Variants in SLIT2 observed in about 807,000 individuals in gnomAD.
The protein encoded by SLIT2 is slit homolog 2 protein.
Under a neutral mutation model 185.7 loss-of-function variants are expected in SLIT2, and 41 were observed. That is an observed-to-expected ratio of 0.22 (90% CI 0.17 to 0.29). SLIT2 has a LOEUF of 0.29. Among genes scored for constraint, SLIT2 ranks in the 10% least tolerant of loss-of-function variants. The pLI is 1.00. For synonymous variants in SLIT2, 693 were observed against 680.2 expected, an observed-to-expected ratio of 1.02 and a Z score of -0.29; for missense variants, 1,571 against 1,909.0, an observed-to-expected ratio of 0.82 and a Z score of 3.30.
chr4:20,313,330 G>A (rs1453886703), intron 4 of SLIT2, among the ~76,000 whole-genome samples: 1 of 152,158 alleles, frequency 6.6e-6, no homozygotes, highest in Non-Finnish European at 1.5e-5. Flanking sequence ...GCAGGAGGAA[G>A]AGAGAGGGAG....
At chr4:20,290,616 C>T (rs593943) in intron 4 of SLIT2, among the ~76,000 whole-genome samples, 136,833 of 152,208 alleles carry the variant, frequency 0.9, 61,629 homozygotes, top group East Asian at 1. Context: ...TTATGAATAC[C>T]CTTTCTTCAC....
chr4:20,432,867 T>G (rs777628475), intron 4 of SLIT2, among the ~76,000 whole-genome samples: 16 of 152,224 alleles, frequency 1.1e-4, no homozygotes, highest in Non-Finnish European at 2.4e-4. Context: ...ACTTAAGTGT[T>G]TGTGCTCTAA....
At chr4:20,488,674 T>C in intron 7 of SLIT2, 145 bp from the exon 8 acceptor site, 1 of 517,990 alleles carries the variant, frequency 1.9e-6, no homozygotes. Flanking sequence ...ATTCTGTGAT[T>C]GTACATCAGT....
intron 9 of SLIT2, among the ~76,000 whole-genome samples, chr4:20,507,340 C>T (rs922691401): frequency 2.0e-5 from 3 of 151,642 alleles, no homozygotes; most frequent in African/African-American, 2.4e-5. Context: ...GTGATCATTA[C>T]GAGTATTCTA....
chr4:20,591,762 T>C (rs574154084), intron 30 of SLIT2, among the ~76,000 whole-genome samples: 16 of 152,060 alleles, frequency 1.1e-4, no homozygotes, highest in Admixed American at 6.6e-4. Flanking sequence ...AGGAAAGTTT[T>C]CCAGAACTGC....
At chr4:20,418,329 A>T (rs534688160) in intron 4 of SLIT2, among the ~76,000 whole-genome samples, 2 of 152,186 alleles carry the variant, frequency 1.3e-5, no homozygotes, top group South Asian at 2.1e-4. Context: ...TAGCAAATTT[A>T]TGTGTAGAAA....
At chr4:20,578,679 C>G (rs1726270964) in intron 29 of SLIT2, among the ~76,000 whole-genome samples, 1 of 152,110 alleles carries the variant, frequency 6.6e-6, no homozygotes, top group African/African-American at 2.4e-5. Context: ...AAGGTAGCAA[C>G]AGTAGCAAGA....
chr4:20,430,028 A>G (rs1728850567), intron 4 of SLIT2, among the ~76,000 whole-genome samples: 1 of 152,248 alleles, frequency 6.6e-6, no homozygotes, highest in South Asian at 2.1e-4. Context: ...GGAAAAGTTT[A>G]TATGAGTTTT....
intron 4 of SLIT2, among the ~76,000 whole-genome samples, chr4:20,444,493 G>A (rs1164125996): frequency 6.6e-6 from 1 of 152,054 alleles, no homozygotes; most frequent in Non-Finnish European, 1.5e-5. Flanking sequence ...CTTGTCTCCA[G>A]GCTTAGGGGT....
intron 4 of SLIT2, among the ~76,000 whole-genome samples, chr4:20,450,303 G>A (rs1712326577): frequency 6.6e-6 from 1 of 152,198 alleles, no homozygotes; most frequent in Non-Finnish European, 1.5e-5. Context: ...CCTTAGCCAT[G>A]TGGATGCCCT....
At chr4:20,339,287 A>G (rs1288177553) in intron 4 of SLIT2, among the ~76,000 whole-genome samples, 2 of 152,002 alleles carry the variant, frequency 1.3e-5, no homozygotes, top group Non-Finnish European at 2.9e-5. Flanking sequence ...GAGGATTACA[A>G]TTTCTCAGTG....
intron 4 of SLIT2, among the ~76,000 whole-genome samples, chr4:20,310,519 T>G (rs1023045600): frequency 2.6e-5 from 4 of 152,162 alleles, no homozygotes; most frequent in African/African-American, 9.7e-5. Flanking sequence ...CCTGACAACT[T>G]TCCCTCTTAA....
Position 20,620,347 on chromosome 4 carries a change from A to G in SLIT2, c.*1338A>G, listed in dbSNP as rs1282699385. 2 of 436,396 alleles carry G rather than the reference A, an allele frequency of 4.6e-6. No individual in the cohort carries two copies. Among genetic ancestry groups the G allele is most frequent in the South Asian group, 1.7e-5 (1 of 59,874 alleles). The allele number at this position is 436,396 out of a possible 1,614,324, so 27.0% of individuals were successfully genotyped here. On this transcript the variant is annotated 3_prime_UTR_variant, in exon 37 of 37. Transcript: ENST00000504154. ...TTAACATGTTTGCTGCTAAATTACAATGTAGAATTGATAATGGTTTATAGT... is the reference window on the plus strand; with the variant it reads ...TTAACATGTTTGCTGCTAAATTACAGTGTAGAATTGATAATGGTTTATAGT...
At chr4:20,612,102 G>T (rs1729267150) in intron 34 of SLIT2, among the ~76,000 whole-genome samples, 1 of 151,988 alleles carries the variant, frequency 6.6e-6, no homozygotes, top group Non-Finnish European at 1.5e-5. Context: ...AGGGGGCTGG[G>T]CATGGTGGCT....
In SLIT2 at chr4:20,297,756, G is replaced by C. The variant is rs566941755; in HGVS notation, c.395+28875G>C. The stretch of plus-strand genomic sequence containing the variant: ...TCATGGCATTTTCCTTCCTTTTCTA[G>C]ACCATGAGGAAAAACAAATAGGAGG... On this transcript the variant is annotated intron_variant, in intron 4 of 36. Transcript: ENST00000504154. Among the ~76,000 whole-genome samples, 9 of 152,008 alleles carry C rather than the reference G, an allele frequency of 5.9e-5. No individual in the cohort carries two copies. The South Asian group carries it at 1.9e-3, about 32-fold the overall frequency.
At chr4:20,449,117 C>T (rs1712174837) in intron 4 of SLIT2, among the ~76,000 whole-genome samples, 1 of 151,964 alleles carries the variant, frequency 6.6e-6, no homozygotes, top group African/African-American at 2.4e-5. Flanking sequence ...TATACTACTA[C>T]CAATTAAAAA....
At chr4:20,537,183 A>G (rs186386534) in intron 18 of SLIT2, among the ~76,000 whole-genome samples, 6 of 152,304 alleles carry the variant, frequency 3.9e-5, no homozygotes, top group Admixed American at 3.9e-4. Flanking sequence ...GTCATTATGG[A>G]GTATTATGTG....
intron 4 of SLIT2, among the ~76,000 whole-genome samples, chr4:20,352,472 G>T (rs1398196987): frequency 1.3e-5 from 2 of 152,066 alleles, no homozygotes; most frequent in East Asian, 3.9e-4. Flanking sequence ...AATCACTAAG[G>T]CTAGATTTAT....
At chr4:20,436,242 C>G (rs1729334986) in intron 4 of SLIT2, among the ~76,000 whole-genome samples, 2 of 152,182 alleles carry the variant, frequency 1.3e-5, no homozygotes, top group South Asian at 4.2e-4. Flanking sequence ...GCAGTAACTT[C>G]CCCCAAAGTC....
Sources: gnomAD v4.1 joint callset for allele counts (sites outside exome capture counted in the v4.1 genomes callset) on GRCh38, gnomAD v4.1.1 for gene constraint, MANE v1.5 for transcripts, NCBI Gene and HGNC (gene_info 2026-07-23, HGNC 2026-07-21) for gene names.